Variants in FAM171B observed in about 807,000 individuals in gnomAD.
FAM171B encodes the protein protein FAM171B.
In FAM171B, 19 loss-of-function variants were observed where a neutral mutation model predicts 75.6. That is an observed-to-expected ratio of 0.25 (90% CI 0.18 to 0.37). The LOEUF (loss-of-function observed/expected upper bound fraction) is 0.37. FAM171B is among the 10% of genes least tolerant of loss of function. The probability of loss-of-function intolerance (pLI) is 1.00; values close to 1 mark genes in which losing one functional copy is unlikely to be tolerated. For missense variants in FAM171B, 848 were observed against 982.4 expected, an observed-to-expected ratio of 0.86 and a Z score of 1.83; for synonymous variants, 367 against 361.7, an observed-to-expected ratio of 1.01 and a Z score of -0.17.
intron 1 of FAM171B, among the ~76,000 whole-genome samples, chr2:186,699,478 G>T (rs369747341): frequency 7.3e-4 from 111 of 152,074 alleles, no homozygotes; most frequent in African/African-American, 2.6e-3. Context: ...GGATTATTGG[G>T]TTTTTTTGCC....
At position 186,725,297 on chromosome 2, in the gene FAM171B, C is replaced by T. The variant is rs2246767; in HGVS notation, c.239-14931C>T. Among the ~76,000 whole-genome samples the T allele has an allele frequency of 9.3e-3, 1,415 of 151,384 alleles. 21 individuals are homozygous for T. Among genetic ancestry groups the T allele is most frequent in the African/African-American group, 0.032 (1,334 of 41,204 alleles). On this transcript the variant is annotated intron_variant, in intron 1 of 7. Coordinates refer to ENST00000304698, the MANE Select transcript of FAM171B (RefSeq NM_177454.4). ...AGGCGGAGCTTGCAGTGAGCCGAGA[C>T]CACGCCACTGCACTCCAACCTGGGC...
chr2:186,715,584 C>T (rs1366024658), intron 1 of FAM171B, among the ~76,000 whole-genome samples: 2 of 152,150 alleles, frequency 1.3e-5, no homozygotes, highest in African/African-American at 4.8e-5. Flanking sequence ...TCATAATATG[C>T]TCTGTTAACA....
chr2:186,754,175 C>T (rs1215601031), intron 6 of FAM171B, 126 bp downstream of exon 6: 1 of 658,350 alleles, frequency 1.5e-6, no homozygotes, highest in Non-Finnish European at 2.6e-6. Flanking sequence ...GGGAAAGGAA[C>T]TTGATCTCAG....
chr2:186,743,978 T>C (rs1335929311), intron 3 of FAM171B, among the ~76,000 whole-genome samples: 1 of 152,162 alleles, frequency 6.6e-6, no homozygotes, highest in African/African-American at 2.4e-5. Flanking sequence ...TTTTGGGAGA[T>C]GCCTAAGACT....
At chr2:186,754,896 G>T (rs1015332895) in intron 6 of FAM171B, among the ~76,000 whole-genome samples, 2 of 152,118 alleles carry the variant, frequency 1.3e-5, no homozygotes, top group Admixed American at 6.6e-5. Context: ...GCAGCCAAAA[G>T]ATTGGACACC....
At chr2:186,710,625 C>T (rs1689798095) in intron 1 of FAM171B, among the ~76,000 whole-genome samples, 2 of 152,158 alleles carry the variant, frequency 1.3e-5, no homozygotes, top group Admixed American at 6.6e-5. Context: ...TAGGGCTCCT[C>T]ATTTTTTCTT....
At chr2:186,738,793 T>C (rs1228729652) in intron 1 of FAM171B, among the ~76,000 whole-genome samples, 3 of 152,204 alleles carry the variant, frequency 2.0e-5, no homozygotes, top group Admixed American at 6.5e-5. Flanking sequence ...ACTGCTGTCC[T>C]TTCTTCTTTT....
At chr2:186,755,146 A>G (rs1690515424) in intron 6 of FAM171B, among the ~76,000 whole-genome samples, 2 of 152,162 alleles carry the variant, frequency 1.3e-5, no homozygotes, top group Admixed American at 1.3e-4. Flanking sequence ...TATTTTAGCC[A>G]TTAAATTTTG....
intron 1 of FAM171B, among the ~76,000 whole-genome samples, chr2:186,701,901 G>C (rs1379377206): frequency 6.6e-6 from 1 of 152,162 alleles, no homozygotes; most frequent in African/African-American, 2.4e-5. Context: ...GACTAGGTTA[G>C]CTCTGGTATT....
At chr2:186,716,987 C>T (rs536908036) in intron 1 of FAM171B, among the ~76,000 whole-genome samples, 147 of 152,146 alleles carry the variant, frequency 9.7e-4, no homozygotes, top group Admixed American at 2.0e-3. Flanking sequence ...TGTCATTGTC[C>T]TCATTTCATA....
At chr2:186,735,623 T>G (rs183526204) in intron 1 of FAM171B, among the ~76,000 whole-genome samples, 21 of 152,294 alleles carry the variant, frequency 1.4e-4, no homozygotes, top group African/African-American at 4.6e-4. Flanking sequence ...TAGCCCAGCC[T>G]TAGCCCAGGA....
At chr2:186,719,102 C>T (rs981052622) in intron 1 of FAM171B, among the ~76,000 whole-genome samples, 5 of 152,264 alleles carry the variant, frequency 3.3e-5, no homozygotes, top group Admixed American at 6.5e-5. Flanking sequence ...ACAGGGAAAA[C>T]CGTACAATTT....
In FAM171B at chr2:186,694,308, G is replaced by GCAA. The variant is rs1689542147; in HGVS notation, c.137_138insACA (p.Gln56dup). 2.5e-6 allele frequency: 4 copies of GCAA among 1,585,198 alleles called. No homozygotes were observed. Among genetic ancestry groups the GCAA allele is most frequent in the Non-Finnish European group, 3.4e-6 (4 of 1,168,002 alleles). On this transcript the variant is annotated inframe_insertion, in exon 1 of 8. Transcript: ENST00000304698. ...CCGACCTCAGCCTCATCCAACAGCA[G>GCAA]CAGCAGCAGCAGCAACAACAACAAC... is the stretch of plus-strand genomic sequence containing the variant.
chr2:186,742,861 A>T (rs1690309185), intron 2 of FAM171B, among the ~76,000 whole-genome samples: 1 of 152,202 alleles, frequency 6.6e-6, no homozygotes, highest in Non-Finnish European at 1.5e-5. Flanking sequence ...GGTAATCTGC[A>T]TTTAACTCAT....
chr2:186,751,408 C>A, intron 5 of FAM171B, 104 bp downstream of exon 5: 2 of 1,070,842 alleles, frequency 1.9e-6, no homozygotes, highest in Non-Finnish European at 2.5e-6. Flanking sequence ...TTTTTAGTAA[C>A]ATCACAAATG....
intron 3 of FAM171B, among the ~76,000 whole-genome samples, chr2:186,743,999 G>A (rs1157258962): frequency 6.6e-6 from 1 of 152,168 alleles, no homozygotes; most frequent in Non-Finnish European, 1.5e-5. Context: ...TGGTAGTTAA[G>A]TATCTGCTCT....
chr2:186,721,134 A>G (rs1369369726), intron 1 of FAM171B, among the ~76,000 whole-genome samples: 1 of 152,208 alleles, frequency 6.6e-6, no homozygotes, highest in African/African-American at 2.4e-5. Flanking sequence ...TTATCATTTT[A>G]GGTCAGTGGT....
chr2:186,723,276 C>G (rs1391089362), intron 1 of FAM171B, among the ~76,000 whole-genome samples: 1 of 152,158 alleles, frequency 6.6e-6, no homozygotes, highest in Non-Finnish European at 1.5e-5. Context: ...TTTTGTCTCT[C>G]TCATATAGTT....
intron 4 of FAM171B, 78 bp downstream of exon 4, chr2:186,747,328 T>C (rs1359323263): frequency 3.9e-5 from 34 of 874,440 alleles, no homozygotes; most frequent in Non-Finnish European, 5.3e-5. Context: ...TAGCTATCTA[T>C]AATAGCTTAT....
Sources: gnomAD v4.1 joint callset for allele counts (sites outside exome capture counted in the v4.1 genomes callset) on GRCh38, gnomAD v4.1.1 for gene constraint, MANE v1.5 for transcripts, NCBI Gene and HGNC (gene_info 2026-07-23, HGNC 2026-07-21) for gene names.